Variants in TMEM254 observed in about 807,000 individuals in gnomAD.
TMEM254 encodes the protein transmembrane protein 254.
A neutral mutation model predicts 13.9 loss-of-function variants in TMEM254; 16 were observed. The observed-to-expected ratio is 1.15, with a 90% CI of 0.78 to 1.75. TMEM254 has a LOEUF of 1.75. Among genes scored for constraint, TMEM254 ranks in the 40% most tolerant of loss-of-function variants. The pLI is 0.00. For synonymous variants in TMEM254, 61 were observed against 56.4 expected (o/e 1.08, Z -0.36); for missense variants, 155 against 149.0 (o/e 1.04, Z -0.21).
intron 1 of TMEM254, among the ~76,000 whole-genome samples, chr10:80,081,037 G>T (rs1227495348): frequency 6.6e-6 from 1 of 152,152 alleles, no homozygotes; most frequent in Non-Finnish European, 1.5e-5. Context: ...CCGAGATCGT[G>T]CCACTGCACT....
In TMEM254 at chr10:80,078,682, C is replaced by T; in HGVS notation, c.-18C>T. On this transcript the variant is annotated 5_prime_UTR_variant, in exon 1 of 4. Transcript: ENST00000372281. ...TCGACGGTGTCCTGAAGCGCGCTCC[C>T]GGGGAGGTGTTGCAGCCATGGCTAC... 2 of 1,585,784 alleles carry T rather than the reference C, an allele frequency of 1.3e-6. No homozygotes were observed. The highest frequency in any genetic ancestry group is 1.7e-6 in the Non-Finnish European group (2 of 1,168,992).
In TMEM254 at chr10:80,092,301, C is replaced by A. The variant is rs1355880506; in HGVS notation, c.*1384C>A. 6.6e-6 allele frequency: 1 copy of A among 152,306 alleles called. No individual in the cohort carries two copies. Among genetic ancestry groups the A allele is most frequent in the East Asian group, 1.9e-4 (1 of 5,186 alleles). The allele number at this position is 152,306 out of a possible 1,614,324, so 9.4% of individuals were successfully genotyped here. A position where few individuals can be genotyped will look rare whatever the true frequency, so the allele number is the denominator to read the frequency against. ...AAAGATTATGAACTATGAATTGTCT[C>A]TGGTAGAGATAAATTTCTGCAAACA... On this transcript the variant is annotated 3_prime_UTR_variant, in exon 4 of 4. Coordinates refer to ENST00000372281, the MANE Select transcript of TMEM254 (RefSeq NM_025125.4).
In TMEM254 at chr10:80,078,783, C is replaced by A; in HGVS notation, c.84C>A (p.Tyr28Ter). 6.2e-7 allele frequency: 1 copy of A among 1,603,204 alleles called. No individual in the cohort carries two copies. Among genetic ancestry groups the A allele is most frequent in the Non-Finnish European group, 8.5e-7 (1 of 1,175,026 alleles). Residue 28 changes from tyrosine (Y) to a stop codon, truncating the protein, a stop_gained, in exon 1 of 4, where the codon TAC becomes TAA. Coordinates refer to ENST00000372281, the MANE Select transcript of TMEM254 (RefSeq NM_025125.4). LOFTEE classifies it high-confidence loss of function. ...FTVITLSFGY[Y>*]TWVVFWPQSI... ...TCATCACCCTCAGCTTTGGCTACTACACAGTAAGGACAGCCGCTGGAGCGC... is the reference window on the plus strand; with the variant it reads ...TCATCACCCTCAGCTTTGGCTACTAAACAGTAAGGACAGCCGCTGGAGCGC...
In TMEM254 at chr10:80,082,327, C is replaced by G. The variant is rs1432512372; in HGVS notation, c.251+123C>G. On this transcript the variant is annotated intron_variant, in intron 3 of 3. Transcript: ENST00000372281. ...AATATTCTCAGGGTAGAGCGGAATC[C>G]CCATGCCTGATACTGAGCCTGGAGC... 4 of 1,116,708 alleles carry G rather than the reference C, an allele frequency of 3.6e-6. No homozygotes were observed. The African/African-American group carries it at 6.2e-5, about 17-fold the overall frequency. The allele number at this position is 1,116,708 out of a possible 1,614,324, so 69.2% of individuals were successfully genotyped here.
intron 3 of TMEM254, 52 bp downstream of exon 3, chr10:80,082,256 A>C (rs1214063352): frequency 6.3e-7 from 1 of 1,592,580 alleles, no homozygotes. Context: ...GCTAATATAA[A>C]TTGAGAGCAG....
intron 1 of TMEM254, chr10:80,079,817 A>T (rs112294888): frequency 0.042 from 20,227 of 486,300 alleles, 485 homozygotes; most frequent in South Asian, 0.059. Context: ...GGTTCAAGCG[A>T]TTCTCATGTC....
At chr10:80,088,886 C>T (rs913166366) in intron 3 of TMEM254, among the ~76,000 whole-genome samples, 1 of 151,912 alleles carries the variant, frequency 6.6e-6, no homozygotes, top group African/African-American at 2.4e-5. Flanking sequence ...GCCTGAGCCA[C>T]CACACCTGGC....
chr10:80,090,310 T>C, intron 3 of TMEM254: 1 of 711,910 alleles, frequency 1.4e-6, no homozygotes. Context: ...CCTGAGCATG[T>C]TGTGTGTATT....
At chr10:80,086,678 T>C (rs1437643887) in intron 3 of TMEM254, among the ~76,000 whole-genome samples, 1 of 151,662 alleles carries the variant, frequency 6.6e-6, no homozygotes, top group Non-Finnish European at 1.5e-5. Context: ...CCGTCTCTAC[T>C]AAAATACAAA....
Position 80,082,051 on chromosome 10 carries a change from C to T in TMEM254, c.192-94C>T, listed in dbSNP as rs968580179. 1.3e-5 allele frequency: 21 copies of T among 1,571,342 alleles called. No homozygotes were observed. The Admixed American group carries it at 2.2e-4, about 16-fold the overall frequency. On this transcript the variant is annotated intron_variant, in intron 2 of 3. Coordinates refer to ENST00000372281, the MANE Select transcript of TMEM254 (RefSeq NM_025125.4). ...GGTATCTAAGAGTAGTGTCGGTTCA[C>T]CTTAAGGCACTTTTCTTTTTGAGAT...
intron 3 of TMEM254, among the ~76,000 whole-genome samples, chr10:80,084,384 T>C (rs1844208445): frequency 6.6e-6 from 1 of 152,308 alleles, no homozygotes; most frequent in South Asian, 2.1e-4. Flanking sequence ...ACAGGGTCCC[T>C]TTTAAACCTA....
At chr10:80,088,773 A>G (rs567587848) in intron 3 of TMEM254, among the ~76,000 whole-genome samples, 23 of 151,192 alleles carry the variant, frequency 1.5e-4, no homozygotes, top group African/African-American at 4.8e-4. Flanking sequence ...GTCTCAAAAA[A>G]AAAAAAAAAA....
At chr10:80,079,108 A>G (rs61748824) in intron 1 of TMEM254, 15,535 of 1,345,912 alleles carry the variant, frequency 0.012, 176 homozygotes, top group African/African-American at 0.053. Flanking sequence ...GAGGCCAGCA[A>G]TGCGGCTACC....
intron 3 of TMEM254, among the ~76,000 whole-genome samples, chr10:80,085,005 A>G (rs772639982): frequency 1.3e-4 from 19 of 151,858 alleles, no homozygotes; most frequent in Non-Finnish European, 2.4e-4. Flanking sequence ...TATTTTTAGT[A>G]GAGACAGAGT....
intron 1 of TMEM254, among the ~76,000 whole-genome samples, chr10:80,081,345 A>C (rs1293873168): frequency 6.6e-6 from 1 of 152,150 alleles, no homozygotes; most frequent in Non-Finnish European, 1.5e-5. Flanking sequence ...TTTCCTCAGC[A>C]TAAGTCTCCC....
At chr10:80,090,683 C>T in intron 3 of TMEM254, 114 bp from the exon 4 acceptor site, 1 of 962,010 alleles carries the variant, frequency 1.0e-6, no homozygotes, top group South Asian at 1.9e-5. Flanking sequence ...GCAAAATAAA[C>T]CCAATGAAAG....
At chr10:80,082,346 C>T (rs536645330) in intron 3 of TMEM254, 142 bp downstream of exon 3, 1 of 898,080 alleles carries the variant, frequency 1.1e-6, no homozygotes, top group East Asian at 2.5e-5. Flanking sequence ...GATACTGAGC[C>T]TGGAGCAGAG....
chr10:80,082,418 T>G, intron 3 of TMEM254, among the ~76,000 whole-genome samples: 1 of 152,228 alleles, frequency 6.6e-6, no homozygotes, highest in Non-Finnish European at 1.5e-5. Flanking sequence ...AACCAATTAC[T>G]TAGTTATCTA....
chr10:80,089,065 C>T (rs1010085142), intron 3 of TMEM254, among the ~76,000 whole-genome samples: 3 of 151,960 alleles, frequency 2.0e-5, no homozygotes, highest in Admixed American at 1.3e-4. Flanking sequence ...ACCTTATACC[C>T]AGCAATCTTG....
Sources: allele counts gnomAD v4.1 joint callset (sites outside exome capture counted in the v4.1 genomes callset), GRCh38; gene constraint gnomAD v4.1.1; transcripts MANE v1.5; gene names NCBI Gene and HGNC (gene_info 2026-07-23, HGNC 2026-07-21).